The following PTPRD variants were observed in gnomAD, a reference collection of about 807,000 sequenced individuals.
PTPRD encodes protein tyrosine phosphatase receptor type D, also known as receptor-type tyrosine-protein phosphatase delta.
Under a neutral mutation model 214.5 loss-of-function variants are expected in PTPRD, and 34 were observed. The observed-to-expected ratio is 0.16, with a 90% CI of 0.12 to 0.21. PTPRD has a LOEUF of 0.21. PTPRD is among the 10% of genes least tolerant of loss of function. The probability of loss-of-function intolerance (pLI) is 1.00; values close to 1 mark genes in which losing one functional copy is unlikely to be tolerated. For missense variants in PTPRD, 2,545 were observed against 2,398.7 expected (o/e 1.06, Z -1.27); for synonymous variants, 1,128 against 845.7 (o/e 1.33, Z -5.79).
chr9:9,409,713 C>G (rs1288206739), intron 8 of PTPRD, among the ~76,000 whole-genome samples: 2 of 152,002 alleles, frequency 1.3e-5, no homozygotes, highest in African/African-American at 4.8e-5. Flanking sequence ...CGTAGAAAAG[C>G]CCAGGACTGG....
At chr9:10,407,337 C>T (rs1243072945) in intron 2 of PTPRD, among the ~76,000 whole-genome samples, 1 of 151,516 alleles carries the variant, frequency 6.6e-6, no homozygotes, top group Non-Finnish European at 1.5e-5. Context: ...ACTCAAGACA[C>T]ACAGATGTGA....
At chr9:9,308,971 A>G (rs982731621) in intron 9 of PTPRD, among the ~76,000 whole-genome samples, 1 of 152,108 alleles carries the variant, frequency 6.6e-6, no homozygotes, top group African/African-American at 2.4e-5. Flanking sequence ...ATCAGGTAAT[A>G]TTTAAATCTC....
chr9:10,566,936 G>T (rs1266330003), intron 2 of PTPRD, among the ~76,000 whole-genome samples: 1 of 151,940 alleles, frequency 6.6e-6, no homozygotes, highest in Non-Finnish European at 1.5e-5. Context: ...ATTTTCACAT[G>T]ACTACCTCTC....
At chr9:9,971,403 T>G (rs867632329) in intron 4 of PTPRD, among the ~76,000 whole-genome samples, 1 of 152,130 alleles carries the variant, frequency 6.6e-6, no homozygotes, top group African/African-American at 2.4e-5. Context: ...AGTTGTTCAT[T>G]TTGAAGGTAG....
At chr9:8,380,316 G>A (rs1321408042) in intron 37 of PTPRD, among the ~76,000 whole-genome samples, 1 of 152,086 alleles carries the variant, frequency 6.6e-6, no homozygotes, top group African/African-American at 2.4e-5. Flanking sequence ...AGGTGGTTCT[G>A]AGATTCCAAA....
At chr9:10,569,292 G>C (rs1437307688) in intron 2 of PTPRD, among the ~76,000 whole-genome samples, 1 of 152,062 alleles carries the variant, frequency 6.6e-6, no homozygotes, top group Non-Finnish European at 1.5e-5. Context: ...ATTGTTTAGA[G>C]TAAGACTTTA....
At chr9:9,205,423 T>C (rs768089216) in intron 9 of PTPRD, among the ~76,000 whole-genome samples, 28 of 152,134 alleles carry the variant, frequency 1.8e-4, no homozygotes, top group Non-Finnish European at 3.5e-4. Flanking sequence ...TATAAACACA[T>C]GGTAATGCGT....
At chr9:10,378,486 A>T (rs2154481412) in intron 2 of PTPRD, among the ~76,000 whole-genome samples, 1 of 152,096 alleles carries the variant, frequency 6.6e-6, no homozygotes, top group African/African-American at 2.4e-5. Context: ...ATTTCTGTAT[A>T]GGGTGAGAGA....
rs142707485 is a variant in PTPRD, at chr9:9,565,480, C to G, written c.-237+9252G>C. 3.1e-3 allele frequency among the ~76,000 whole-genome samples: 464 copies of G among 151,914 alleles called. 2 individuals are homozygous for G. Among genetic ancestry groups the G allele is most frequent in the African/African-American group, 0.011 (440 of 41,514 alleles). On this transcript the variant is annotated intron_variant, in intron 8 of 45. Coordinates refer to ENST00000381196, the MANE Select transcript of PTPRD (RefSeq NM_002839.4). The stretch of plus-strand genomic sequence containing the variant: ...AAATCCTTTTTATTTTGATACCTCA[C>G]AATCTGAATGCAGAATGATGATGGA...
At chr9:10,381,927 A>G (rs1372552521) in intron 2 of PTPRD, among the ~76,000 whole-genome samples, 2 of 151,972 alleles carry the variant, frequency 1.3e-5, no homozygotes, top group Non-Finnish European at 2.9e-5. Flanking sequence ...AGTTTATTGT[A>G]ATATATTTAA....
At position 8,501,071 on chromosome 9, in the gene PTPRD, A is replaced by G; in HGVS notation, c.1823-12T>C. 3 of 1,606,770 alleles carry G rather than the reference A, an allele frequency of 1.9e-6. No individual in the cohort carries two copies. Among genetic ancestry groups the G allele is most frequent in the Non-Finnish European group, 2.6e-6 (3 of 1,174,652 alleles). ...AGGAGCTGACGGCTCTTATTTTGGTAGTGAGTTAAAGGAGGATTTAAGTGA... is the reference window on the plus strand; with the variant it reads ...AGGAGCTGACGGCTCTTATTTTGGTGGTGAGTTAAAGGAGGATTTAAGTGA... On this transcript the variant is annotated splice_polypyrimidine_tract_variant and intron_variant, in intron 23 of 45. Coordinates refer to ENST00000381196, the MANE Select transcript of PTPRD (RefSeq NM_002839.4).
At chr9:8,490,745 G>A (rs139000500) in intron 27 of PTPRD, among the ~76,000 whole-genome samples, 64 of 152,158 alleles carry the variant, frequency 4.2e-4, no homozygotes, top group African/African-American at 1.3e-3. Context: ...TGAATCTTAC[G>A]TAGATTACTT....
chr9:9,771,764 C>T (rs576098161), intron 5 of PTPRD, among the ~76,000 whole-genome samples: 6 of 152,068 alleles, frequency 3.9e-5, no homozygotes, highest in South Asian at 2.1e-4. Flanking sequence ...GTGTGTAAAC[C>T]GAATTTAAGA....
intron 10 of PTPRD, among the ~76,000 whole-genome samples, chr9:9,035,961 C>T (rs184429941): frequency 2.0e-5 from 3 of 152,002 alleles, no homozygotes; most frequent in Non-Finnish European, 4.4e-5. Context: ...TTTTTAAATA[C>T]TAATGTGCTT....
At chr9:9,666,219 G>A (rs534006140) in intron 7 of PTPRD, among the ~76,000 whole-genome samples, 2 of 152,010 alleles carry the variant, frequency 1.3e-5, no homozygotes, top group East Asian at 1.9e-4. Context: ...ATTGGTGAGG[G>A]ATTGGTTAAT....
At chr9:8,612,132 C>G (rs62530712) in intron 14 of PTPRD, among the ~76,000 whole-genome samples, 44,003 of 151,250 alleles carry the variant, frequency 0.29, 6,698 homozygotes, top group African/African-American at 0.39. Context: ...CAAAACAAAA[C>G]AAAACAAAAG....
chr9:8,755,177 T>C (rs1341802504), intron 11 of PTPRD, among the ~76,000 whole-genome samples: 2 of 150,334 alleles, frequency 1.3e-5, no homozygotes, highest in Non-Finnish European at 3.0e-5. Context: ...CAACCAGCAG[T>C]TTCATTAGGT....
chr9:9,753,059 T>C (rs1324225228), intron 6 of PTPRD, among the ~76,000 whole-genome samples: 1 of 152,088 alleles, frequency 6.6e-6, no homozygotes, highest in Non-Finnish European at 1.5e-5. Context: ...TAAGTATGCA[T>C]TGTGAGAAGA....
intron 2 of PTPRD, among the ~76,000 whole-genome samples, chr9:10,519,193 A>G (rs1234774959): frequency 6.6e-6 from 1 of 150,600 alleles, no homozygotes; most frequent in East Asian, 2.0e-4. Context: ...GCCAGTACAC[A>G]AAAAATCTAG....
Sources: allele counts gnomAD v4.1 joint callset (sites outside exome capture counted in the v4.1 genomes callset), GRCh38; gene constraint gnomAD v4.1.1; transcripts MANE v1.5; gene names NCBI Gene and HGNC (gene_info 2026-07-23, HGNC 2026-07-21).